Variants in NR3C2 observed in about 807,000 individuals in gnomAD.
NR3C2 encodes the protein mineralocorticoid receptor.
In NR3C2, 15 loss-of-function variants were observed where a neutral mutation model predicts 86.4. That is an observed-to-expected ratio of 0.17 (90% CI 0.12 to 0.27). The LOEUF (loss-of-function observed/expected upper bound fraction) is 0.27. Among genes scored for constraint, NR3C2 ranks in the 10% least tolerant of loss-of-function variants. NR3C2 has a pLI of 1.00. For synonymous variants in NR3C2, 458 were observed against 450.5 expected (o/e 1.02, Z -0.21); for missense variants, 960 against 1,195.6 (o/e 0.80, Z 2.91).
At chr4:148,412,341 T>G (rs1274188346) in intron 2 of NR3C2, among the ~76,000 whole-genome samples, 2 of 152,214 alleles carry the variant, frequency 1.3e-5, no homozygotes, top group African/African-American at 2.4e-5. Context: ...TGGGACTGAC[T>G]TATTCCTAAA....
chr4:148,420,391 A>G (rs1018241451), intron 2 of NR3C2, among the ~76,000 whole-genome samples: 2 of 152,338 alleles, frequency 1.3e-5, no homozygotes, highest in Non-Finnish European at 2.9e-5. Flanking sequence ...TGCTGTTTGC[A>G]AACCAAGAGT....
chr4:148,082,531 CCA>C (rs1730615143), intron 8 of NR3C2, among the ~76,000 whole-genome samples: 1 of 152,086 alleles, frequency 6.6e-6, no homozygotes, highest in Non-Finnish European at 1.5e-5. Context: ...GCATTCTGGC[CCA>C]GATACTACAC....
rs61759975 is a variant in NR3C2 at position 148,434,783 on chromosome 4, C to T, written c.1757+321G>A. Among the ~76,000 whole-genome samples the T allele has an allele frequency of 1.8e-3, 281 of 152,278 alleles. 1 individual carries two copies. Among genetic ancestry groups the T allele is most frequent in the Non-Finnish European group, 3.5e-3 (236 of 68,024 alleles). On this transcript the variant is annotated intron_variant, in intron 2 of 8. Transcript: ENST00000358102. ...AAAGGAAAAAAAATCTAGTACTGGT[C>T]TGCTAAATTACTGTATTTACAATAG... is the stretch of plus-strand genomic sequence containing the variant.
intron 1 of NR3C2, among the ~76,000 whole-genome samples, chr4:148,439,277 T>C (rs1750220140): frequency 6.6e-6 from 1 of 152,242 alleles, no homozygotes; most frequent in Non-Finnish European, 1.5e-5. Context: ...AAAGATAAAT[T>C]ACTATATAGC....
intron 8 of NR3C2, among the ~76,000 whole-genome samples, chr4:148,102,266 G>A (rs532578267): frequency 6.6e-6 from 1 of 152,282 alleles, no homozygotes; most frequent in East Asian, 1.9e-4. Flanking sequence ...CAACAGCTGG[G>A]CAGTTCCATC....
At chr4:148,441,644 A>T (rs1361726295) in intron 1 of NR3C2, among the ~76,000 whole-genome samples, 2 of 152,164 alleles carry the variant, frequency 1.3e-5, no homozygotes, top group Non-Finnish European at 1.5e-5. Flanking sequence ...ATTCCAACTG[A>T]TGCCATAGGA....
chr4:148,207,545 G>A (rs763891392), intron 3 of NR3C2, among the ~76,000 whole-genome samples: 13 of 152,164 alleles, frequency 8.5e-5, no homozygotes, highest in Non-Finnish European at 1.8e-4. Context: ...GACAAGAGAG[G>A]TTCCTAATGC....
intron 4 of NR3C2, among the ~76,000 whole-genome samples, chr4:148,193,482 T>C (rs1290615427): frequency 6.6e-6 from 1 of 152,230 alleles, no homozygotes; most frequent in Non-Finnish European, 1.5e-5. Flanking sequence ...AATCTAGTCC[T>C]GCCTCCTGTC....
chr4:148,338,323 T>C (rs1039199247), intron 2 of NR3C2, among the ~76,000 whole-genome samples: 2 of 152,214 alleles, frequency 1.3e-5, no homozygotes, highest in African/African-American at 2.4e-5. Context: ...TATTGGACTA[T>C]GTAGTTACAG....
intron 6 of NR3C2, among the ~76,000 whole-genome samples, chr4:148,120,692 G>A (rs1732471504): frequency 6.6e-6 from 1 of 152,226 alleles, no homozygotes; most frequent in South Asian, 2.1e-4. Context: ...TTATAGGAAA[G>A]GACTGGGCTA....
intron 8 of NR3C2, among the ~76,000 whole-genome samples, chr4:148,095,624 C>A (rs1463071720): frequency 6.6e-6 from 1 of 152,184 alleles, no homozygotes; most frequent in African/African-American, 2.4e-5. Flanking sequence ...AAATGCTAGG[C>A]ACGTGAGAGG....
intron 3 of NR3C2, among the ~76,000 whole-genome samples, chr4:148,220,824 C>T (rs1338759063): frequency 6.6e-6 from 1 of 152,088 alleles, no homozygotes; most frequent in Non-Finnish European, 1.5e-5. Flanking sequence ...AAAACATTTC[C>T]ATATGCCAAA....
chr4:148,091,364 A>G (rs1272027485), intron 8 of NR3C2, among the ~76,000 whole-genome samples: 1 of 152,236 alleles, frequency 6.6e-6, no homozygotes, highest in East Asian at 1.9e-4. Context: ...GGAAGCCTTC[A>G]GGGCAGAACC....
chr4:148,426,964 T>C (rs1007377663), intron 2 of NR3C2, among the ~76,000 whole-genome samples: 2 of 151,712 alleles, frequency 1.3e-5, no homozygotes, highest in Middle Eastern at 3.4e-3. Context: ...TCTTTTTCTT[T>C]TTTTTTTTTG....
chr4:148,270,731 T>A (rs79108457), intron 2 of NR3C2, among the ~76,000 whole-genome samples: 5 of 152,176 alleles, frequency 3.3e-5, no homozygotes, highest in African/African-American at 1.2e-4. Flanking sequence ...AGGGCACTAG[T>A]CAGTAGATTT....
chr4:148,124,470 T>C (rs79502608), intron 6 of NR3C2, among the ~76,000 whole-genome samples: 5,027 of 152,326 alleles, frequency 0.033, 294 homozygotes, highest in African/African-American at 0.11. Context: ...GTCATTCTCC[T>C]GAAGGTAGCC....
At chr4:148,108,645 C>T (rs1052788784) in intron 8 of NR3C2, among the ~76,000 whole-genome samples, 34 of 152,140 alleles carry the variant, frequency 2.2e-4, no homozygotes, top group Admixed American at 1.9e-3. Flanking sequence ...TTCCTTCTGT[C>T]GTGCAGAGAA....
intron 2 of NR3C2, among the ~76,000 whole-genome samples, chr4:148,416,767 T>C (rs1749022248): frequency 6.6e-6 from 1 of 152,152 alleles, no homozygotes; most frequent in Admixed American, 6.5e-5. Context: ...ACTCCATATG[T>C]ATTTGCTTTT....
chr4:148,342,150 G>A (rs915107859), intron 2 of NR3C2, among the ~76,000 whole-genome samples: 1 of 152,140 alleles, frequency 6.6e-6, no homozygotes, highest in Non-Finnish European at 1.5e-5. Flanking sequence ...AGATGGCTAC[G>A]AGGAGTCAAA....
Sources: gnomAD v4.1 joint callset for allele counts (sites outside exome capture counted in the v4.1 genomes callset) on GRCh38, gnomAD v4.1.1 for gene constraint, MANE v1.5 for transcripts, NCBI Gene and HGNC (gene_info 2026-07-23, HGNC 2026-07-21) for gene names.